Variants in ZNF831 observed in about 807,000 individuals in gnomAD.
ZNF831 encodes the protein chromosome 20 open reading frame 174.
Under a neutral mutation model 95.8 loss-of-function variants are expected in ZNF831, and 59 were observed. That is an observed-to-expected ratio of 0.62 (90% CI 0.50 to 0.77). ZNF831 has a LOEUF of 0.77. Among genes scored for constraint, ZNF831 ranks in the 30% least tolerant of loss-of-function variants. ZNF831 has a pLI of 0.00. For missense variants in ZNF831, 2,205 were observed against 2,164.0 expected, an observed-to-expected ratio of 1.02 and a Z score of -0.38; for synonymous variants, 961 against 925.5, an observed-to-expected ratio of 1.04 and a Z score of -0.70.
chr20:59,170,302 T>G (rs1233019081), intron 1 of ZNF831, among the ~76,000 whole-genome samples: 2 of 152,154 alleles, frequency 1.3e-5, no homozygotes, highest in African/African-American at 4.8e-5. Context: ...CAGCACTGCT[T>G]TAGCTATGTG....
chr20:59,159,485 C>T (rs1980725734), upstream of ZNF831, among the ~76,000 whole-genome samples: 1 of 152,156 alleles, frequency 6.6e-6, no homozygotes, highest in Non-Finnish European at 1.5e-5. Context: ...TGAGGATGTG[C>T]AAGCAGATAA....
chr20:59,159,796 GC>G (rs1038993084), upstream of ZNF831: 1 of 152,502 alleles, frequency 6.6e-6, no homozygotes, highest in African/African-American at 2.4e-5. Flanking sequence ...CCAGAGAGGA[GC>G]CCTGGGTTCC....
chr20:59,154,545 C>T (rs533828425), intron 2 of ZNF831, among the ~76,000 whole-genome samples: 1 of 152,332 alleles, frequency 6.6e-6, no homozygotes, highest in South Asian at 2.1e-4. Flanking sequence ...GGAGTTCCTC[C>T]TTTTGCATTG....
At chr20:59,178,389 A>C (rs1159782320) in intron 1 of ZNF831, among the ~76,000 whole-genome samples, 1 of 152,256 alleles carries the variant, frequency 6.6e-6, no homozygotes, top group Admixed American at 6.5e-5. Flanking sequence ...GGAGTTTCAC[A>C]TAAAAATGCC....
At chr20:59,252,110 A>G (rs1267491199) in intron 4 of ZNF831, among the ~76,000 whole-genome samples, 1 of 152,214 alleles carries the variant, frequency 6.6e-6, no homozygotes, top group African/African-American at 2.4e-5. Flanking sequence ...GTTCTATAAC[A>G]ATGTTATCAG....
chr20:59,182,406 A>G (rs1390890362), intron 1 of ZNF831, among the ~76,000 whole-genome samples: 2 of 152,190 alleles, frequency 1.3e-5, no homozygotes, highest in East Asian at 3.9e-4. Context: ...ACATTTTACA[A>G]ATGAAAATCC....
At chr20:59,187,165 T>C (rs1020854641) in intron 1 of ZNF831, among the ~76,000 whole-genome samples, 3 of 152,108 alleles carry the variant, frequency 2.0e-5, no homozygotes, top group Non-Finnish European at 4.4e-5. Flanking sequence ...ATAGAATCCT[T>C]AGCAGTGGTG....
At position 59,254,247 on chromosome 20, in the gene ZNF831, C is replaced by G. The variant is rs2146766423; in HGVS notation, c.4538C>G (p.Ser1513Ter). The G allele has an allele frequency of 6.2e-7, 1 of 1,614,030 alleles. No individual in the cohort carries two copies. The highest frequency in any genetic ancestry group is 1.6e-4 in the Middle Eastern group (1 of 6,062). ...GCCCAGGAAATTCACAGTGCTGAAT[C>G]ACGAGACCACAGCCAGACTGCAGGG... ...HIAQEIHSAE[S>*]RDHSQTAGRT... Residue 1513 changes from serine to a stop codon, truncating the protein, a stop_gained, in exon 6 of 6, where the codon TCA becomes TGA. Coordinates refer to ENST00000371030, the MANE Select transcript of ZNF831 (RefSeq NM_178457.3). LOFTEE classifies it low-confidence loss of function (END_TRUNC). This position sits in a 1 kb window ranked among gnomAD's most constrained non-coding sequence, Gnocchi z 4.5.
At position 59,203,548 on chromosome 20, in the gene ZNF831, TG is replaced by T. The variant is rs1014159726; in HGVS notation, c.3876-3356del. ...AGAAGAATACGTGGCACAGATTGTC[TG>T]TGGCATACAAAGTCTAAAATATTTA... On this transcript the variant is annotated intron_variant, in intron 3 of 5. Coordinates refer to ENST00000371030, the MANE Select transcript of ZNF831 (RefSeq NM_178457.3). 2.6e-5 allele frequency among the ~76,000 whole-genome samples: 4 copies of T among 152,212 alleles called. No individual in the cohort carries two copies. In the East Asian group the frequency reaches 7.7e-4, roughly 29 times the overall value.
At chr20:59,125,720 T>C (rs564544634) in intron 1 of ZNF831, among the ~76,000 whole-genome samples, 1 of 152,120 alleles carries the variant, frequency 6.6e-6, no homozygotes, top group Non-Finnish European at 1.5e-5. Flanking sequence ...TAAAATAAAA[T>C]TATGAGAGAG....
chr20:59,183,358 A>C (rs1182563986), intron 1 of ZNF831, among the ~76,000 whole-genome samples: 2 of 152,214 alleles, frequency 1.3e-5, no homozygotes, highest in Non-Finnish European at 2.9e-5. Context: ...TACAGGGTCT[A>C]CACCAAGGGT....
rs1985778783 is a variant in ZNF831 at position 59,217,559 on chromosome 20, A to G, written c.4027+10503A>G. The stretch of plus-strand genomic sequence containing the variant: ...CTTCCCAGTTTATACCCCTACCAGT[A>G]GCATATTAAATACCTCTCTTTTCCT... On this transcript the variant is annotated intron_variant, in intron 4 of 5. Transcript: ENST00000371030. The surrounding 1 kb of genome is among the most constrained non-coding windows in gnomAD (Gnocchi z 4.4). Among the ~76,000 whole-genome samples, 1 of 152,206 alleles carries G rather than the reference A, an allele frequency of 6.6e-6. No homozygotes were observed. The highest frequency in any genetic ancestry group is 1.5e-5 in the Non-Finnish European group (1 of 68,030).
intron 1 of ZNF831, among the ~76,000 whole-genome samples, chr20:59,166,044 A>G (rs1981235619): frequency 6.6e-6 from 1 of 152,136 alleles, no homozygotes; most frequent in African/African-American, 2.4e-5. Flanking sequence ...GAGCTACCAC[A>G]CCCAGCCCCT....
chr20:59,163,405 A>G (rs1981002348), upstream of ZNF831, among the ~76,000 whole-genome samples: 1 of 152,150 alleles, frequency 6.6e-6, no homozygotes, highest in African/African-American at 2.4e-5. Flanking sequence ...ACAAAATATC[A>G]CCATTTTACA....
intron 2 of ZNF831, among the ~76,000 whole-genome samples, chr20:59,155,907 C>T (rs917231707): frequency 6.6e-6 from 1 of 151,948 alleles, no homozygotes; most frequent in African/African-American, 2.4e-5. Flanking sequence ...TAGGGTCCAC[C>T]CAAAGGTACA....
chr20:59,134,750 C>T (rs1320921603), intron 1 of ZNF831, among the ~76,000 whole-genome samples: 1 of 152,170 alleles, frequency 6.6e-6, no homozygotes, highest in Non-Finnish European at 1.5e-5. Flanking sequence ...TGTAGTCTTC[C>T]TCACAGAGCC....
At chr20:59,216,948 A>G (rs922920414) in intron 4 of ZNF831, among the ~76,000 whole-genome samples, 1 of 124,042 alleles carries the variant, frequency 8.1e-6, no homozygotes, top group African/African-American at 5.0e-5. Flanking sequence ...TTTGTTCTTA[A>G]AAAAAAAAAA....
rs951995528 is a variant in ZNF831, at chr20:59,257,721, A to G, written c.*2978A>G. The G allele has an allele frequency of 2.6e-5, 4 of 152,194 alleles. No individual in the cohort carries two copies. 9.4% of individuals were successfully genotyped at this position (152,194 alleles called of 1,614,324 possible). A position where few individuals can be genotyped will look rare whatever the true frequency, so the allele number is the denominator to read the frequency against. ...TTCTTTCCCCAGTGCTAATTTTCCCAGTGTTAATTTTATTATATCTTTAGG... is the reference window on the plus strand; with the variant it reads ...TTCTTTCCCCAGTGCTAATTTTCCCGGTGTTAATTTTATTATATCTTTAGG... On this transcript the variant is annotated 3_prime_UTR_variant, in exon 6 of 6. Coordinates refer to ENST00000371030, the MANE Select transcript of ZNF831 (RefSeq NM_178457.3).
chr20:59,238,115 G>A lies in ZNF831; in HGVS notation c.4028-14863G>A, dbSNP rs761237114. On this transcript the variant is annotated intron_variant, in intron 4 of 5. Coordinates refer to ENST00000371030, the MANE Select transcript of ZNF831 (RefSeq NM_178457.3). ...CCTAAGGCAAAGCGGTAGAGACCTC[G>A]GACCCTCGTCCTTTCTGGCATATTC... 5.9e-5 allele frequency among the ~76,000 whole-genome samples: 9 copies of A among 152,164 alleles called. No homozygotes were observed. The South Asian group carries it at 6.2e-4, about 11-fold the overall frequency.
Sources: gnomAD v4.1 joint callset for allele counts (sites outside exome capture counted in the v4.1 genomes callset) on GRCh38, gnomAD v4.1.1 for gene constraint, Gnocchi (gnomAD v3.1) non-coding constraint, MANE v1.5 for transcripts, NCBI Gene and HGNC (gene_info 2026-07-23, HGNC 2026-07-21) for gene names.